Variants in PARD3B observed in about 807,000 individuals in gnomAD.
PARD3B encodes the protein par-3 family cell polarity regulator beta.
Under a neutral mutation model 130.2 loss-of-function variants are expected in PARD3B, and 103 were observed. The ratio of observed to expected loss-of-function variants is 0.79; its 90% confidence interval spans 0.67 to 0.93. PARD3B has a LOEUF of 0.93. Among genes scored for constraint, PARD3B ranks in the 40% least tolerant of loss-of-function variants. The probability of loss-of-function intolerance (pLI) is 0.00; values close to 1 mark genes in which losing one functional copy is unlikely to be tolerated. For synonymous variants in PARD3B, 583 were observed against 553.2 expected, an observed-to-expected ratio of 1.05 and a Z score of -0.76; for missense variants, 1,609 against 1,499.2, an observed-to-expected ratio of 1.07 and a Z score of -1.21.
At chr2:204,911,668 G>T (rs1019829945) in intron 2 of PARD3B, among the ~76,000 whole-genome samples, 2 of 152,138 alleles carry the variant, frequency 1.3e-5, no homozygotes, top group Non-Finnish European at 2.9e-5. Flanking sequence ...GTATCTTAGG[G>T]CATATGTGAC....
At chr2:205,184,987 G>A (rs939902818) in intron 13 of PARD3B, among the ~76,000 whole-genome samples, 3 of 151,796 alleles carry the variant, frequency 2.0e-5, no homozygotes. Flanking sequence ...CATACACTAG[G>A]GAATATGGTT....
chr2:205,075,541 A>G (rs1005979500), intron 4 of PARD3B, among the ~76,000 whole-genome samples: 3 of 151,946 alleles, frequency 2.0e-5, no homozygotes, highest in Non-Finnish European at 4.4e-5. Flanking sequence ...TTAAAATTCA[A>G]CTTGTCTTCA....
At chr2:205,392,211 G>A (rs2045884729) in intron 18 of PARD3B, among the ~76,000 whole-genome samples, 2 of 152,178 alleles carry the variant, frequency 1.3e-5, no homozygotes, top group Admixed American at 1.3e-4. Flanking sequence ...CCCAGCAGAT[G>A]TTTTATCCAC....
At chr2:205,200,481 A>G (rs1180206500) in intron 15 of PARD3B, among the ~76,000 whole-genome samples, 1 of 152,212 alleles carries the variant, frequency 6.6e-6, no homozygotes, top group East Asian at 1.9e-4. Flanking sequence ...CAAATTTTCA[A>G]GAAATACCGT....
chr2:205,237,818 A>G (rs1179589627), intron 15 of PARD3B, among the ~76,000 whole-genome samples: 1 of 152,124 alleles, frequency 6.6e-6, no homozygotes, highest in Non-Finnish European at 1.5e-5. Context: ...CATTACTCAA[A>G]ATACAAGTGA....
intron 1 of PARD3B, among the ~76,000 whole-genome samples, chr2:204,642,003 GA>G (rs1057144815): frequency 1.6e-4 from 24 of 151,602 alleles, no homozygotes; most frequent in Admixed American, 1.6e-3. Context: ...AAGTATCTCA[GA>G]AAAAAAAATA....
chr2:205,363,538 G>A (rs4673330), intron 18 of PARD3B, among the ~76,000 whole-genome samples: 90,604 of 152,110 alleles, frequency 0.6, 30,495 homozygotes, highest in South Asian at 0.77. Context: ...AGAAAGCAAG[G>A]CAAAGGGGTA....
chr2:204,614,479 T>C (rs1157245945), intron 1 of PARD3B, among the ~76,000 whole-genome samples: 1 of 152,190 alleles, frequency 6.6e-6, no homozygotes, highest in Non-Finnish European at 1.5e-5. Context: ...TCTACTAATA[T>C]TTACTGTATT....
At chr2:204,992,292 A>G (rs1351438091) in intron 3 of PARD3B, among the ~76,000 whole-genome samples, 2 of 142,276 alleles carry the variant, frequency 1.4e-5, no homozygotes, top group Admixed American at 1.4e-4. Context: ...AGCTTTCTAC[A>G]TATGGCTAGC....
At chr2:204,560,877 T>C (rs1056119276) in intron 1 of PARD3B, among the ~76,000 whole-genome samples, 5 of 151,788 alleles carry the variant, frequency 3.3e-5, no homozygotes, top group African/African-American at 1.2e-4. Flanking sequence ...TTAGATGTAT[T>C]GAAGCAGAAG....
chr2:205,096,898 TTC>T (rs938868593), intron 4 of PARD3B, among the ~76,000 whole-genome samples: 5 of 152,198 alleles, frequency 3.3e-5, no homozygotes, highest in African/African-American at 9.6e-5. Flanking sequence ...TATAAATAAT[TTC>T]TCTGTTTGTT....
chr2:204,628,196 T>C (rs2034552996), intron 1 of PARD3B, among the ~76,000 whole-genome samples: 1 of 152,084 alleles, frequency 6.6e-6, no homozygotes, highest in African/African-American at 2.4e-5. Flanking sequence ...ACTACAGGAG[T>C]TTCTCCCTAT....
intron 1 of PARD3B, among the ~76,000 whole-genome samples, chr2:204,565,919 C>A (rs1017108658): frequency 3.9e-5 from 6 of 152,304 alleles, no homozygotes; most frequent in Admixed American, 1.3e-4. Context: ...TCCTTACACA[C>A]AATGTCAAAA....
chr2:204,848,618 C>T (rs1311267687), intron 2 of PARD3B, among the ~76,000 whole-genome samples: 1 of 151,012 alleles, frequency 6.6e-6, no homozygotes, highest in Admixed American at 6.6e-5. Context: ...CACACTCCAG[C>T]CTGGATGATA....
chr2:205,168,288 G>GGAGAGAGA (rs761018109), intron 11 of PARD3B, among the ~76,000 whole-genome samples: 160 of 126,900 alleles, frequency 1.3e-3, no homozygotes, highest in African/African-American at 3.3e-3. Context: ...GGTGAGAAAG[G>GGAGAGAGA]GAGAGAGAGA....
In PARD3B at chr2:204,568,954, G is replaced by GAAAAAAA. The variant is rs368465299; in HGVS notation, c.120+22835_120+22836insAAAAAAA. On this transcript the variant is annotated intron_variant, in intron 1 of 22. Coordinates refer to ENST00000406610, the MANE Select transcript of PARD3B (RefSeq NM_001302769.2). ...TGGGTGACAGAGTGAGACTGTCTCA[G>GAAAAAAA]GAAAAAAAAAAAAAAATTGCAGGAA... Among the ~76,000 whole-genome samples the GAAAAAAA allele has an allele frequency of 1.3e-4, 19 of 143,416 alleles. No homozygotes were observed. The East Asian group carries it at 3.5e-3, about 26-fold the overall frequency. The allele number at this position is 143,416 out of a possible 152,430, so 94.1% of individuals were successfully genotyped here.
intron 19 of PARD3B, among the ~76,000 whole-genome samples, chr2:205,427,764 A>G (rs1391441672): frequency 6.6e-6 from 1 of 152,226 alleles, no homozygotes. Flanking sequence ...AAACAAACGA[A>G]AATAAATAAC....
intron 22 of PARD3B, among the ~76,000 whole-genome samples, chr2:205,582,515 C>T (rs1416049469): frequency 6.6e-6 from 1 of 151,936 alleles, no homozygotes; most frequent in Non-Finnish European, 1.5e-5. Flanking sequence ...TTGAGGTTCT[C>T]AAGGAGGCAT....
chr2:204,597,613 G>A (rs2033352785), intron 1 of PARD3B, among the ~76,000 whole-genome samples: 1 of 152,146 alleles, frequency 6.6e-6, no homozygotes, highest in Non-Finnish European at 1.5e-5. Context: ...TTACTCTTAA[G>A]TAAATGCTCT....
Sources: allele counts gnomAD v4.1 joint callset (sites outside exome capture counted in the v4.1 genomes callset), GRCh38; gene constraint gnomAD v4.1.1; transcripts MANE v1.5; gene names NCBI Gene and HGNC (gene_info 2026-07-23, HGNC 2026-07-21).